Variants in HSPA12A observed in about 807,000 individuals in gnomAD.
HSPA12A encodes heat shock 70 kDa protein 12A.
HSPA12A carries 28 observed loss-of-function variants against 69.2 expected under a neutral mutation model. The observed-to-expected ratio is 0.40, with a 90% CI of 0.30 to 0.55. HSPA12A has a LOEUF of 0.55. Ranked by LOEUF, HSPA12A falls within the 20% of genes least tolerant of loss-of-function variation. The pLI is 0.38. For missense variants in HSPA12A, 686 were observed against 900.7 expected, an observed-to-expected ratio of 0.76 and a Z score of 3.05; for synonymous variants, 345 against 370.5, an observed-to-expected ratio of 0.93 and a Z score of 0.79.
intron 2 of HSPA12A, among the ~76,000 whole-genome samples, chr10:116,802,962 G>A (rs1011367736): frequency 7.9e-5 from 12 of 152,234 alleles, no homozygotes; most frequent in Admixed American, 3.9e-4. Context: ...GTTCCCGAAC[G>A]AAGGAGACCC....
intron 2 of HSPA12A, among the ~76,000 whole-genome samples, chr10:116,759,065 G>C (rs1050572698): frequency 2.6e-5 from 4 of 152,174 alleles, no homozygotes; most frequent in Admixed American, 2.6e-4. Context: ...ACATTCCCTC[G>C]TCTCAGAGAG....
Position 116,837,916 on chromosome 10 carries a change from T to A in HSPA12A, c.4-2894A>T, listed in dbSNP as rs566038104. Among the ~76,000 whole-genome samples the A allele has an allele frequency of 2.6e-5, 4 of 152,326 alleles. No individual in the cohort carries two copies. The East Asian group carries it at 7.7e-4, about 29-fold the overall frequency. ...TTTTAAACAGGAATTTAAATGTGTT[T>A]CTATTTGCTCATACTGACAGGGTTT... On this transcript the variant is annotated intron_variant, in intron 1 of 12. Transcript: ENST00000635765.
At chr10:116,824,628 T>TTTTG (rs953551271) in intron 2 of HSPA12A, among the ~76,000 whole-genome samples, 14 of 152,104 alleles carry the variant, frequency 9.2e-5, no homozygotes, top group African/African-American at 3.1e-4. Flanking sequence ...CCACTTAGTG[T>TTTTG]TTTGTTTGTT....
chr10:116,737,335 C>T lies in HSPA12A; in HGVS notation c.40+5095G>A, dbSNP rs528956359. ...ATTACAAATACTCTCTCATTTCATTCTCACAGCACCCCAGTAGAGCAGAGA... is the reference window on the plus strand; with the variant it reads ...ATTACAAATACTCTCTCATTTCATTTTCACAGCACCCCAGTAGAGCAGAGA... On this transcript the variant is annotated intron_variant, in intron 1 of 11. Coordinates refer to ENST00000369209, the MANE Select transcript of HSPA12A (RefSeq NM_025015.3). Among the ~76,000 whole-genome samples the T allele has an allele frequency of 3.0e-4, 46 of 152,278 alleles. 1 individual carries two copies. The South Asian group carries it at 9.5e-3, about 32-fold the overall frequency.
intron 5 of HSPA12A, among the ~76,000 whole-genome samples, chr10:116,697,946 C>T (rs1349636092): frequency 1.3e-5 from 2 of 152,210 alleles, no homozygotes; most frequent in African/African-American, 4.8e-5. Context: ...CTATCTGTAT[C>T]TGGCTTCTTT....
chr10:116,681,869 G>T lies in HSPA12A; in HGVS notation c.844C>A (p.His282Asn). ...VGAGFTQAKE[H>N]IRRNRQSRTF... ...CGACTCTGCCGATTACGCCGTATGTGTTCCTTAGCTAGTGGCCGACAGAAA... is the reference window on the plus strand; with the variant it reads ...CGACTCTGCCGATTACGCCGTATGTTTTCCTTAGCTAGTGGCCGACAGAAA... The change falls in exon 8 of 12, where the codon CAC becomes AAC. Residue 282 changes from histidine to asparagine, a missense_variant. Coordinates refer to ENST00000369209, the MANE Select transcript of HSPA12A (RefSeq NM_025015.3). 6.2e-7 allele frequency: 1 copy of T among 1,614,112 alleles called. No individual in the cohort carries two copies. The highest frequency in any genetic ancestry group is 8.5e-7 in the Non-Finnish European group (1 of 1,179,970).
intron 1 of HSPA12A, among the ~76,000 whole-genome samples, chr10:116,720,298 T>C (rs1290072903): frequency 2.0e-5 from 3 of 152,170 alleles, no homozygotes; most frequent in African/African-American, 7.2e-5. Context: ...CTGGTAGAGT[T>C]GGCCACAACT....
intron 2 of HSPA12A, among the ~76,000 whole-genome samples, chr10:116,792,167 C>T (rs1458131976): frequency 6.7e-6 from 1 of 148,292 alleles, no homozygotes; most frequent in Non-Finnish European, 1.5e-5. Context: ...AAGCCACGTA[C>T]ATGCATGTAC....
Position 116,698,654 on chromosome 10 carries a change from A to C in HSPA12A, c.527T>G (p.Phe176Cys), listed in dbSNP as rs1377333802. Residue 176 changes from phenylalanine (F) to cysteine (C), a missense_variant, in exon 5 of 12, where the codon TTT (phenylalanine) becomes TGT (cysteine). Physicochemically the swap from Phe to Cys is radical, Grantham distance 205 (BLOSUM62 -2). Coordinates refer to ENST00000369209, the MANE Select transcript of HSPA12A (RefSeq NM_025015.3). ...LEIFAYALQY[F>C]KEQALKELSD... ...TCCTACCTTCAGCGCCTGCTCCTTA[A>C]AGTACTGCAGGGCATAAGCAAAGAT... 1.2e-6 allele frequency: 2 copies of C among 1,613,460 alleles called. No homozygotes were observed. The highest frequency in any genetic ancestry group is 4.5e-5 in the East Asian group (2 of 44,870).
At chr10:116,676,038 C>G (rs1258026061) in intron 11 of HSPA12A, among the ~76,000 whole-genome samples, 2 of 152,238 alleles carry the variant, frequency 1.3e-5, no homozygotes, top group Non-Finnish European at 2.9e-5. Flanking sequence ...GCCTGCCACT[C>G]TCAGGTAACA....
chr10:116,744,513 G>A (rs1026836359), upstream of HSPA12A, among the ~76,000 whole-genome samples: 3 of 152,234 alleles, frequency 2.0e-5, no homozygotes, highest in African/African-American at 7.2e-5. Flanking sequence ...GGGACTCCCA[G>A]CCACAGTGAC....
chr10:116,724,760 G>T (rs1188155292), intron 1 of HSPA12A, among the ~76,000 whole-genome samples: 1 of 152,210 alleles, frequency 6.6e-6, no homozygotes, highest in Non-Finnish European at 1.5e-5. Flanking sequence ...GTCCCTTCCT[G>T]TGGCCTCACT....
rs190202588 is a variant in HSPA12A at position 116,685,267 on chromosome 10, C to T, written c.664-1305G>A. On this transcript the variant is annotated intron_variant, in intron 6 of 11. Transcript: ENST00000369209. ...CAAATAACTTCTCATCAGGCGAAGTCGGCCTCATCATGGGCAGAGGGGCTT... is the reference window on the plus strand; with the variant it reads ...CAAATAACTTCTCATCAGGCGAAGTTGGCCTCATCATGGGCAGAGGGGCTT... Among the ~76,000 whole-genome samples the T allele has an allele frequency of 4.6e-5, 7 of 152,234 alleles. No individual in the cohort carries two copies. In the South Asian group the frequency reaches 8.3e-4, roughly 18 times the overall value.
At chr10:116,679,271 C>T (rs1437326900) in intron 10 of HSPA12A, among the ~76,000 whole-genome samples, 1 of 152,220 alleles carries the variant, frequency 6.6e-6, no homozygotes, top group African/African-American at 2.4e-5. Flanking sequence ...TTCTAAGCAC[C>T]CAACATGTAT....
Position 116,674,667 on chromosome 10 carries a change from CTG to C in HSPA12A, c.*112_*113del, listed in dbSNP as rs1181184050. 3.7e-6 allele frequency: 4 copies of C among 1,072,568 alleles called. No individual in the cohort carries two copies. Among genetic ancestry groups the C allele is most frequent in the Admixed American group, 2.3e-5 (1 of 43,516 alleles). 66.4% of individuals were successfully genotyped at this position (1,072,568 alleles called of 1,614,324 possible). A position where few individuals can be genotyped will look rare whatever the true frequency, so the allele number is the denominator to read the frequency against. On this transcript the variant is annotated 3_prime_UTR_variant, in exon 12 of 12. Coordinates refer to ENST00000369209, the MANE Select transcript of HSPA12A (RefSeq NM_025015.3). ...GCCCTGATTGTTCTCATCTTCCCTG[CTG>C]AAATTCACATGGGCAATGGTGAGGG... is the stretch of plus-strand genomic sequence containing the variant.
At chr10:116,689,814 AAAC>A (rs782288532) in intron 6 of HSPA12A, among the ~76,000 whole-genome samples, 3 of 144,554 alleles carry the variant, frequency 2.1e-5, no homozygotes, top group East Asian at 2.0e-4. Context: ...AAAAAAAAAA[AAAC>A]AATGACCCAG....
intron 2 of HSPA12A, among the ~76,000 whole-genome samples, chr10:116,789,251 A>G (rs1844648709): frequency 6.6e-6 from 1 of 152,152 alleles, no homozygotes; most frequent in African/African-American, 2.4e-5. Context: ...TTACAAAATA[A>G]TACGTATAGA....
chr10:116,753,295 A>G (rs1394185424), intron 2 of HSPA12A, among the ~76,000 whole-genome samples: 4 of 152,200 alleles, frequency 2.6e-5, no homozygotes, highest in Non-Finnish European at 5.9e-5. Flanking sequence ...TTTCCAGGAC[A>G]TCCCTCTTCC....
At position 116,698,688 on chromosome 10, in the gene HSPA12A, C is replaced by T. The variant is rs781784578; in HGVS notation, c.493G>A (p.Ala165Thr). The change falls in exon 5 of 12, where the codon GCC (alanine) becomes ACC (threonine). Residue 165 changes from alanine (A) to threonine (T), a missense_variant. By Grantham distance (58) the Ala-to-Thr change is moderately conservative. Transcript: ENST00000369209. ...LTAANGKKVK[A>T]LEIFAYALQY... is the part of the protein sequence containing the mutation. The stretch of plus-strand genomic sequence containing the variant: ...AGGGCATAAGCAAAGATTTCAAGGG[C>T]TTTGACTTTCTTGCCATTTGCTGCC... 3 of 1,614,008 alleles carry T rather than the reference C, an allele frequency of 1.9e-6. No individual in the cohort carries two copies. Among genetic ancestry groups the T allele is most frequent in the Admixed American group, 1.7e-5 (1 of 60,012 alleles).
Sources: allele counts gnomAD v4.1 joint callset (sites outside exome capture counted in the v4.1 genomes callset), GRCh38; gene constraint gnomAD v4.1.1; transcripts MANE v1.5; gene names NCBI Gene and HGNC (gene_info 2026-07-23, HGNC 2026-07-21).